The following ANO10 variants were observed in gnomAD, a reference collection of about 807,000 sequenced individuals.
ANO10 encodes the protein anoctamin 10, also known as anoctamin-10.
A neutral mutation model predicts 74.7 loss-of-function variants in ANO10; 77 were observed. That is an observed-to-expected ratio of 1.03 (90% confidence interval 0.86 to 1.25). The LOEUF (loss-of-function observed/expected upper bound fraction) is 1.25, where lower values mean the gene tolerates loss of function less well. Ranked by LOEUF, ANO10 falls within the 50% of genes most tolerant of loss-of-function variation. ANO10 has a pLI of 0.00. For synonymous variants in ANO10, 279 were observed against 284.9 expected (o/e 0.98, Z 0.21); for missense variants, 721 against 778.1 (o/e 0.93, Z 0.87).
intron 10 of ANO10, 106 bp from the exon 11 acceptor site, chr3:43,549,954 C>G (rs901979955): frequency 7.0e-6 from 9 of 1,287,980 alleles, no homozygotes; most frequent in Admixed American, 2.2e-5. Context: ...TACCCTAGTT[C>G]TAAACATTCC....
intron 4 of ANO10, 71 bp downstream of exon 4, chr3:43,598,461 A>AG: frequency 6.8e-7 from 1 of 1,465,346 alleles, no homozygotes; most frequent in East Asian, 2.3e-5. Flanking sequence ...CTTCTGTAAG[A>AG]GGGAAAAAAG....
At chr3:43,502,923 T>C (rs2077151874) in intron 11 of ANO10, among the ~76,000 whole-genome samples, 3 of 152,126 alleles carry the variant, frequency 2.0e-5, no homozygotes. Flanking sequence ...TTCCAGGAGC[T>C]AGGTGGAGGG....
chr3:43,473,046 A>G (rs1460498219), intron 11 of ANO10, among the ~76,000 whole-genome samples: 1 of 152,204 alleles, frequency 6.6e-6, no homozygotes, highest in Non-Finnish European at 1.5e-5. Context: ...GCATTTCTGT[A>G]TATTTGAAAA....
At chr3:43,565,057 C>T (rs1236203114) in intron 8 of ANO10, among the ~76,000 whole-genome samples, 2 of 152,142 alleles carry the variant, frequency 1.3e-5, no homozygotes, top group Non-Finnish European at 2.9e-5. Flanking sequence ...TTTGAGACTG[C>T]TCACCAACAA....
intron 12 of ANO10, among the ~76,000 whole-genome samples, chr3:43,378,957 TC>T (rs2091887110): frequency 6.6e-6 from 1 of 152,222 alleles, no homozygotes; most frequent in Admixed American, 6.5e-5. Flanking sequence ...TACTGCTTCT[TC>T]CCAACACCTT....
intron 4 of ANO10, among the ~76,000 whole-genome samples, chr3:43,581,607 C>A (rs1234947955): frequency 6.6e-6 from 1 of 152,086 alleles, no homozygotes; most frequent in Non-Finnish European, 1.5e-5. Flanking sequence ...CAGTCTCTTA[C>A]TAAGAATATG....
chr3:43,549,299 T>C, intron 11 of ANO10, among the ~76,000 whole-genome samples: 1 of 152,042 alleles, frequency 6.6e-6, no homozygotes, highest in African/African-American at 2.4e-5. Context: ...TACCATCAGG[T>C]ACCAAATTAC....
intron 1 of ANO10, among the ~76,000 whole-genome samples, chr3:43,656,462 C>T (rs940104226): frequency 6.6e-6 from 1 of 152,166 alleles, no homozygotes; most frequent in African/African-American, 2.4e-5. Context: ...TGGGACTGGG[C>T]GCCATGGAGC....
chr3:43,432,394 T>C (rs2092996443), intron 12 of ANO10, among the ~76,000 whole-genome samples: 1 of 152,220 alleles, frequency 6.6e-6, no homozygotes, highest in Non-Finnish European at 1.5e-5. Flanking sequence ...TAACATTGCC[T>C]GAATATTTTT....
At chr3:43,589,858 C>T (rs1355756404) in intron 4 of ANO10, among the ~76,000 whole-genome samples, 1 of 152,058 alleles carries the variant, frequency 6.6e-6, no homozygotes, top group Non-Finnish European at 1.5e-5. Context: ...TGGTATTCTA[C>T]AATAATGATC....
At chr3:43,586,481 C>T (rs910497786) in intron 4 of ANO10, among the ~76,000 whole-genome samples, 2 of 152,084 alleles carry the variant, frequency 1.3e-5, no homozygotes, top group Non-Finnish European at 2.9e-5. Context: ...TTCTCTCTCC[C>T]ACACACACTT....
chr3:43,466,912 T>C (rs758754896), intron 11 of ANO10, among the ~76,000 whole-genome samples: 1 of 152,124 alleles, frequency 6.6e-6, no homozygotes, highest in African/African-American at 2.4e-5. Flanking sequence ...AACTCAATAA[T>C]GAAAAGATGG....
intron 4 of ANO10, among the ~76,000 whole-genome samples, chr3:43,587,726 T>G (rs1314769865): frequency 6.6e-6 from 1 of 152,014 alleles, no homozygotes; most frequent in Non-Finnish European, 1.5e-5. Flanking sequence ...CGACATCCCA[T>G]AAGATCTCCT....
chr3:43,533,130 T>G (rs537578232), intron 11 of ANO10, among the ~76,000 whole-genome samples: 16 of 152,168 alleles, frequency 1.1e-4, no homozygotes, highest in Non-Finnish European at 2.4e-4. Flanking sequence ...GTAGCACATT[T>G]CAGATGATGG....
intron 1 of ANO10, among the ~76,000 whole-genome samples, chr3:43,609,164 C>T (rs1429314979): frequency 6.6e-6 from 1 of 152,050 alleles, no homozygotes; most frequent in East Asian, 1.9e-4. Flanking sequence ...TTGTTAAGCT[C>T]ATAGTAAGCA....
chr3:43,397,652 A>G (rs2092407156), intron 12 of ANO10, among the ~76,000 whole-genome samples: 1 of 152,052 alleles, frequency 6.6e-6, no homozygotes, highest in African/African-American at 2.4e-5. Context: ...TCTGAGCCTC[A>G]GAGAGCTTCC....
chr3:43,435,965 C>G (rs1047811837), intron 11 of ANO10, among the ~76,000 whole-genome samples: 14 of 152,146 alleles, frequency 9.2e-5, no homozygotes, highest in Admixed American at 7.9e-4. Context: ...TAAAGAGAAG[C>G]AGAAAGGAGC....
At chr3:43,445,283 A>C (rs1215840484) in intron 11 of ANO10, among the ~76,000 whole-genome samples, 2 of 152,090 alleles carry the variant, frequency 1.3e-5, no homozygotes, top group African/African-American at 4.8e-5. Flanking sequence ...AAACTAAGGA[A>C]ATCTGAATAA....
intron 11 of ANO10, among the ~76,000 whole-genome samples, chr3:43,446,027 G>C (rs1020663050): frequency 6.6e-6 from 1 of 152,158 alleles, no homozygotes; most frequent in Admixed American, 6.6e-5. Context: ...ACTGATGAGA[G>C]TAAAGACAAG....
Sources: gnomAD v4.1 joint callset for allele counts (sites outside exome capture counted in the v4.1 genomes callset) on GRCh38, gnomAD v4.1.1 for gene constraint, MANE v1.5 for transcripts, NCBI Gene and HGNC (gene_info 2026-07-23, HGNC 2026-07-21) for gene names.